Variants in ADGRA2 observed in about 807,000 individuals in gnomAD.
ADGRA2 encodes G-protein coupled receptor 124.
In ADGRA2, 61 loss-of-function variants were observed where a neutral mutation model predicts 98.7. The observed-to-expected ratio is 0.62, with a 90% CI of 0.50 to 0.76. ADGRA2 has a LOEUF of 0.76. Among genes scored for constraint, ADGRA2 ranks in the 30% least tolerant of loss-of-function variants. The pLI is 0.00. For missense variants in ADGRA2, 1,712 were observed against 1,860.0 expected (o/e 0.92, Z 1.46); for synonymous variants, 858 against 831.5 (o/e 1.03, Z -0.55).
Position 37,797,320 on chromosome 8 carries a change from C to A in ADGRA2, c.52C>A (p.Pro18Thr). 1 of 1,331,908 alleles carries A rather than the reference C, an allele frequency of 7.5e-7. No individual in the cohort carries two copies. Among genetic ancestry groups the A allele is most frequent in the Non-Finnish European group, 9.5e-7 (1 of 1,048,502 alleles). The allele number at this position is 1,331,908 out of a possible 1,614,324, so 82.5% of individuals were successfully genotyped here. A position where few individuals can be genotyped will look rare whatever the true frequency, so the allele number is the denominator to read the frequency against. Residue 18 changes from proline (P) to threonine (T), a missense_variant, in exon 1 of 19, where the codon CCG (proline) becomes ACG (threonine). Pro to Thr is a conservative substitution (Grantham distance 38, BLOSUM62 -1). Coordinates refer to ENST00000412232, the MANE Select transcript of ADGRA2 (RefSeq NM_032777.10). This position sits in a 1 kb window ranked among gnomAD's most constrained non-coding sequence, Gnocchi z 5.3. Reference sequence around the variant, plus strand: ...GGGGGCGCCCGCGCGCCTGCTGCTGCCGCTGCTGCCGTGGCTCCTGCTGCT... The same window carrying A: ...GGGGGCGCCCGCGCGCCTGCTGCTGACGCTGCTGCCGTGGCTCCTGCTGCT... The part of the protein sequence containing the change: ...MRGAPARLLL[P>T]LLPWLLLLLA...
At chr8:37,833,377 A>G (rs1228662775) in intron 9 of ADGRA2, among the ~76,000 whole-genome samples, 169 bp downstream of exon 9, 1 of 152,176 alleles carries the variant, frequency 6.6e-6, no homozygotes, top group Non-Finnish European at 1.5e-5. Flanking sequence ...GCCCTCTGCT[A>G]TTCAGACCCA....
chr8:37,828,765 A>T (rs1805362898), intron 2 of ADGRA2, 123 bp from the exon 3 acceptor site: 4 of 700,124 alleles, frequency 5.7e-6, no homozygotes, highest in Admixed American at 5.2e-5. Flanking sequence ...GCAGAGGTTT[A>T]GCAGGAAGTC....
At chr8:37,806,526 C>CTTTTTCTTTTTTTTTTTTTTTT (rs756594430) in intron 1 of ADGRA2, among the ~76,000 whole-genome samples, 4 of 100,356 alleles carry the variant, frequency 4.0e-5, no homozygotes, top group Admixed American at 1.0e-4. Flanking sequence ...TTTTCTTTTT[C>CTTTTTCTTTTTTTTTTTTTTTT]TTTTTTTTTT....
Position 37,833,843 on chromosome 8 carries a change from A to T in ADGRA2, c.1446+6A>T, listed in dbSNP as rs1473132361. The T allele has an allele frequency of 6.2e-7, 1 of 1,613,588 alleles. No homozygotes were observed. Among genetic ancestry groups the T allele is most frequent in the South Asian group, 1.1e-5 (1 of 91,074 alleles). On this transcript the variant is annotated splice_donor_region_variant and intron_variant, in intron 10 of 18. Transcript: ENST00000412232. The stretch of plus-strand genomic sequence containing the variant: ...ATGTCGACCAGATCAAAGAGGTGAG[A>T]CTCAGCTGGAACTCAGGAGCTCGGA...
In ADGRA2 at chr8:37,834,110, T is replaced by C; in HGVS notation, c.1590T>C (p.His530=). Residue 530 remains histidine (H), a synonymous_variant, in exon 11 of 19, where the codon CAT becomes CAC. Transcript: ENST00000412232. The surrounding 1 kb of genome is among the most constrained non-coding windows in gnomAD (Gnocchi z 4.2). ...TTGGGGGGGCCGCCCTCAGCCCCCA[T>C]GCCCAGCACATCTCAGTGGTAATGG... ...ERIGGAALSP[H]AQHISVNARN... 1.2e-6 allele frequency: 2 copies of C among 1,611,782 alleles called. No individual in the cohort carries two copies. Among genetic ancestry groups the C allele is most frequent in the Non-Finnish European group, 1.7e-6 (2 of 1,179,600 alleles).
intron 2 of ADGRA2, among the ~76,000 whole-genome samples, chr8:37,826,729 C>G (rs150450042): frequency 1.3e-3 from 197 of 152,308 alleles, no homozygotes; most frequent in African/African-American, 4.4e-3. Context: ...TTCCTCTCCT[C>G]CCAGCGGGCA....
chr8:37,808,289 A>G (rs1804733898), intron 1 of ADGRA2, among the ~76,000 whole-genome samples: 1 of 152,168 alleles, frequency 6.6e-6, no homozygotes, highest in Non-Finnish European at 1.5e-5. Flanking sequence ...CAGGCCAGCC[A>G]GGGCTCTGGG....
In ADGRA2 at chr8:37,832,299, C is replaced by T. The variant is rs142149077; in HGVS notation, c.1098-711C>T. Among the ~76,000 whole-genome samples, 209 of 151,310 alleles carry T rather than the reference C, an allele frequency of 1.4e-3. 4 individuals carry two copies. Among genetic ancestry groups the T allele is most frequent in the African/African-American group, 4.8e-3 (197 of 41,174 alleles). ...AACTCCTGGCCTCAAGTGATCCACC[C>T]GCCTTGGCCTCCCGAAGTGCCAGGA... On this transcript the variant is annotated intron_variant, in intron 8 of 18. Transcript: ENST00000412232.
intron 1 of ADGRA2, among the ~76,000 whole-genome samples, chr8:37,800,772 A>G (rs2129887590): frequency 6.6e-6 from 1 of 152,250 alleles, no homozygotes; most frequent in East Asian, 1.9e-4. Flanking sequence ...CCCCACACAA[A>G]TGGCCAGACT....
At chr8:37,838,171 G>A (rs1805673579) in intron 14 of ADGRA2, among the ~76,000 whole-genome samples, 1 of 151,932 alleles carries the variant, frequency 6.6e-6, no homozygotes, top group Admixed American at 6.6e-5. Flanking sequence ...CCAGATAGTT[G>A]GATCTGATGG....
rs756409530 is a variant in ADGRA2 at position 37,835,726 on chromosome 8, G to C, written c.2006G>C (p.Gly669Ala). Reference sequence around the variant, plus strand: ...TCCCGCCCTGGAGCTGCTGGGCCTGGCAAGAGGCGTGGCGTGGCCACCCCC... The same window carrying C: ...TCCCGCCCTGGAGCTGCTGGGCCTGCCAAGAGGCGTGGCGTGGCCACCCCC... Reference protein sequence around the residue: ...NTSRPGAAGPGKRRGVATPVI... With the variant: ...NTSRPGAAGPAKRRGVATPVI... The change falls in exon 13 of 19, where the codon GGC (glycine) becomes GCC (alanine). Residue 669 changes from glycine to alanine, a missense_variant. Coordinates refer to ENST00000412232, the MANE Select transcript of ADGRA2 (RefSeq NM_032777.10). The C allele has an allele frequency of 6.2e-7, 1 of 1,613,792 alleles. No individual in the cohort carries two copies. The highest frequency in any genetic ancestry group is 1.7e-5 in the Admixed American group (1 of 60,026).
chr8:37,828,377 C>A (rs1245067423), intron 2 of ADGRA2, among the ~76,000 whole-genome samples: 1 of 152,042 alleles, frequency 6.6e-6, no homozygotes, highest in East Asian at 1.9e-4. Context: ...GTCTGAGGCC[C>A]TTGTGATCCC....
Position 37,831,574 on chromosome 8 carries a change from C to T in ADGRA2, c.1084C>T (p.Arg362Cys), listed in dbSNP as rs375804717. The change falls in exon 8 of 19, where the codon CGC (arginine) becomes TGC (cysteine). Residue 362 changes from arginine to cysteine, a missense_variant. By Grantham distance (180) the Arg-to-Cys change is radical. Transcript: ENST00000412232. ...YCPAERVANN[R>C]GDFRWPRTLA... ...CCCCGCCGAGCGTGTTGCCAACAAC[C>T]GCGGGGACTTCAGGTTTGGCCCACT... 1.2e-5 allele frequency: 19 copies of T among 1,613,636 alleles called. No individual in the cohort carries two copies. The highest frequency in any genetic ancestry group is 2.2e-5 in the East Asian group (1 of 44,896).
chr8:37,811,166 GTGT>G (rs1804820198), intron 1 of ADGRA2, among the ~76,000 whole-genome samples: 1 of 99,566 alleles, frequency 1.0e-5, no homozygotes, highest in Non-Finnish European at 1.9e-5. Context: ...GTGTGTGTGT[GTGT>G]TTTTTTTTTT....
Position 37,844,392 on chromosome 8 carries a change from A to C in ADGRA2, c.*2037A>C. On this transcript the variant is annotated 3_prime_UTR_variant, in exon 19 of 19. Coordinates refer to ENST00000412232, the MANE Select transcript of ADGRA2 (RefSeq NM_032777.10). ...CCTCTTGGTTCCTTCAAACAAGAAA[A>C]GCAATACCTACGGACTGGTGTACAC... 6.7e-7 allele frequency: 1 copy of C among 1,494,726 alleles called. No homozygotes were observed. Among genetic ancestry groups the C allele is most frequent in the Non-Finnish European group, 9.0e-7 (1 of 1,105,216 alleles). 92.6% of individuals were successfully genotyped at this position (1,494,726 alleles called of 1,614,324 possible).
At chr8:37,817,341 C>G (rs2129958760) in intron 2 of ADGRA2, among the ~76,000 whole-genome samples, 1 of 152,332 alleles carries the variant, frequency 6.6e-6, no homozygotes, top group East Asian at 1.9e-4. Context: ...CTAGGTCCCT[C>G]TAACCGTCTG....
At position 37,843,964 on chromosome 8, in the gene ADGRA2, C is replaced by G. The variant is rs540552226; in HGVS notation, c.*1609C>G. 7.8e-5 allele frequency: 12 copies of G among 153,768 alleles called. No individual in the cohort carries two copies. The highest frequency in any genetic ancestry group is 2.9e-4 in the African/African-American group (12 of 41,558). The allele number at this position is 153,768 out of a possible 1,614,324, so 9.5% of individuals were successfully genotyped here. A position where few individuals can be genotyped will look rare whatever the true frequency, so the allele number is the denominator to read the frequency against. On this transcript the variant is annotated 3_prime_UTR_variant, in exon 19 of 19. Coordinates refer to ENST00000412232, the MANE Select transcript of ADGRA2 (RefSeq NM_032777.10). ...TAATATATTAAAATTTTGCAAAGCC[C>G]TTTGAGCTACTGCCTTAGTCTACCC... is the stretch of plus-strand genomic sequence containing the variant.
At chr8:37,806,489 C>T (rs929265566) in intron 1 of ADGRA2, among the ~76,000 whole-genome samples, 1 of 137,652 alleles carries the variant, frequency 7.3e-6, no homozygotes, top group Non-Finnish European at 1.5e-5. Context: ...ATGGGTGTGG[C>T]ATTTTCTTTT....
intron 15 of ADGRA2, 29 bp from the exon 16 acceptor site, chr8:37,839,470 G>A (rs755974303): frequency 1.2e-6 from 2 of 1,613,348 alleles, no homozygotes; most frequent in Non-Finnish European, 1.7e-6. Context: ...GGGTTGGACG[G>A]CCATTAATTC....
Sources: gnomAD v4.1 joint callset for allele counts (sites outside exome capture counted in the v4.1 genomes callset) on GRCh38, gnomAD v4.1.1 for gene constraint, Gnocchi (gnomAD v3.1) non-coding constraint, MANE v1.5 for transcripts, NCBI Gene and HGNC (gene_info 2026-07-23, HGNC 2026-07-21) for gene names.